The following TMEM68 variants were observed in gnomAD, a reference collection of about 807,000 sequenced individuals.
TMEM68 encodes the protein transmembrane protein 68.
In TMEM68, 25 loss-of-function variants were observed where a neutral mutation model predicts 36.9. The observed-to-expected ratio is 0.68, with a 90% CI of 0.49 to 0.95. TMEM68 has a LOEUF of 0.95. Among genes scored for constraint, TMEM68 ranks in the 40% least tolerant of loss-of-function variants. TMEM68 has a pLI of 0.00. For missense variants in TMEM68, 333 were observed against 392.0 expected, an observed-to-expected ratio of 0.85 and a Z score of 1.27; for synonymous variants, 131 against 124.4, an observed-to-expected ratio of 1.05 and a Z score of -0.35.
intron 4 of TMEM68, among the ~76,000 whole-genome samples, chr8:55,753,321 C>T (rs1377207230): frequency 6.6e-6 from 1 of 151,706 alleles, no homozygotes; most frequent in East Asian, 1.9e-4. Flanking sequence ...AATATTAATG[C>T]TAACATTAAA....
At chr8:55,757,077 G>C (rs1273364114) in intron 3 of TMEM68, among the ~76,000 whole-genome samples, 2 of 152,292 alleles carry the variant, frequency 1.3e-5, no homozygotes, top group African/African-American at 4.8e-5. Flanking sequence ...TTCACTGTTA[G>C]AGGAGGGGGT....
intron 4 of TMEM68, among the ~76,000 whole-genome samples, chr8:55,754,340 G>A (rs954978545): frequency 1.3e-5 from 2 of 149,988 alleles, no homozygotes; most frequent in African/African-American, 4.9e-5. Context: ...TACAAGAATC[G>A]GTTGAACTAC....
intron 4 of TMEM68, among the ~76,000 whole-genome samples, chr8:55,754,897 ATACATATAT>A (rs1810551540): frequency 7.4e-6 from 1 of 135,112 alleles, no homozygotes; most frequent in African/African-American, 2.8e-5. Context: ...TATATATAAA[ATACATATAT>A]TATATATTAT....
At chr8:55,741,261 C>A (rs1810094597) in intron 7 of TMEM68, among the ~76,000 whole-genome samples, 1 of 152,068 alleles carries the variant, frequency 6.6e-6, no homozygotes. Context: ...AAACACCCCT[C>A]TAAACCACAG....
chr8:55,772,754 T>C (rs1370527156), intron 1 of TMEM68, among the ~76,000 whole-genome samples: 1 of 152,166 alleles, frequency 6.6e-6, no homozygotes, highest in African/African-American at 2.4e-5. Flanking sequence ...GGTCACAAGG[T>C]AGGACCAGGA....
chr8:55,762,988 GTTTC>G lies in TMEM68; in HGVS notation c.-33_-30del. ...TCTTCAGGTGAAAATGACAAATTCA[GTTTC>G]TTTCTTCATTGCCATAGCAGGTCGC... is the stretch of plus-strand genomic sequence containing the variant. On this transcript the variant is annotated 5_prime_UTR_variant, in exon 3 of 8. It removes the in-frame stop codon of an upstream open reading frame in the 5' UTR. Transcript: ENST00000434581. The G allele has an allele frequency of 2.6e-6, 4 of 1,552,846 alleles. No homozygotes were observed. Among genetic ancestry groups the G allele is most frequent in the Non-Finnish European group, 3.5e-6 (4 of 1,152,542 alleles).
intron 3 of TMEM68, 173 bp downstream of exon 3, chr8:55,762,462 T>C: frequency 7.6e-7 from 1 of 1,308,254 alleles, no homozygotes; most frequent in Non-Finnish European, 1.0e-6. Flanking sequence ...GAAAACTCAT[T>C]TTAAGAAAGA....
chr8:55,751,188 A>T (rs374739834), intron 4 of TMEM68, 31 bp from the exon 5 acceptor site: 3 of 1,542,054 alleles, frequency 1.9e-6, no homozygotes, highest in Non-Finnish European at 2.6e-6. Context: ...AAGTTACAAC[A>T]TAAGTATTTC....
chr8:55,744,667 C>T (rs1810217791), intron 6 of TMEM68, among the ~76,000 whole-genome samples: 4 of 152,094 alleles, frequency 2.6e-5, no homozygotes, highest in Non-Finnish European at 4.4e-5. Context: ...AATGCTATTT[C>T]CTTAGGTAGT....
intron 3 of TMEM68, among the ~76,000 whole-genome samples, chr8:55,757,418 C>T (rs1810639885): frequency 6.6e-6 from 1 of 152,148 alleles, no homozygotes; most frequent in Non-Finnish European, 1.5e-5. Context: ...GATAGTCACT[C>T]TCTAACTCTT....
At chr8:55,765,053 CAA>C (rs2130022122) in intron 1 of TMEM68, among the ~76,000 whole-genome samples, 1 of 152,204 alleles carries the variant, frequency 6.6e-6, no homozygotes, top group South Asian at 2.1e-4. Context: ...GCCTGGACAA[CAA>C]GAGTGAAACT....
At chr8:55,763,079 A>C (rs745762531) in intron 2 of TMEM68, 51 bp from the exon 3 acceptor site, 3 of 1,106,954 alleles carry the variant, frequency 2.7e-6, no homozygotes, top group Non-Finnish European at 3.7e-6. Context: ...TATAAAGTTA[A>C]ATGTTTTACT....
intron 1 of TMEM68, among the ~76,000 whole-genome samples, chr8:55,770,493 A>G (rs1436057024): frequency 6.6e-6 from 1 of 152,078 alleles, no homozygotes; most frequent in Non-Finnish European, 1.5e-5. Flanking sequence ...TGGGGGCAAC[A>G]TACTGAGACC....
rs201134052 is a variant in TMEM68 at position 55,750,103 on chromosome 8, A to G, written c.687+861T>C. ...CAATTCTTTCAAAATATAAACTTGAAAGTTGAACCATCTTTGATTAGGATT... is the reference window on the plus strand; with the variant it reads ...CAATTCTTTCAAAATATAAACTTGAGAGTTGAACCATCTTTGATTAGGATT... On this transcript the variant is annotated intron_variant, in intron 5 of 7. Transcript: ENST00000434581. 2.6e-5 allele frequency among the ~76,000 whole-genome samples: 4 copies of G among 152,272 alleles called. No individual in the cohort carries two copies. In the East Asian group the frequency reaches 7.7e-4, roughly 29 times the overall value.
At chr8:55,757,261 T>C (rs1454194625) in intron 3 of TMEM68, among the ~76,000 whole-genome samples, 1 of 151,926 alleles carries the variant, frequency 6.6e-6, no homozygotes, top group African/African-American at 2.4e-5. Flanking sequence ...CTTCAAAGGG[T>C]GATAAACCCC....
At position 55,766,184 on chromosome 8, in the gene TMEM68, A is replaced by C. The variant is rs140951405; in HGVS notation, c.-114-2204T>G. On this transcript the variant is annotated intron_variant, in intron 1 of 7. Transcript: ENST00000434581. Reference sequence around the variant, plus strand: ...GGCATTCTGGGAAGACTTCTCTAAAAGATATTTTTCAGCAGAAACCTGAGG... The same window carrying C: ...GGCATTCTGGGAAGACTTCTCTAAACGATATTTTTCAGCAGAAACCTGAGG... Among the ~76,000 whole-genome samples the C allele has an allele frequency of 8.0e-3, 1,155 of 144,664 alleles. 8 individuals carry two copies. Among genetic ancestry groups the C allele is most frequent in the South Asian group, 0.011 (48 of 4,384 alleles). 94.9% of individuals were successfully genotyped at this position (144,664 alleles called of 152,430 possible). A position where few individuals can be genotyped will look rare whatever the true frequency, so the allele number is the denominator to read the frequency against.
chr8:55,743,583 T>C lies in TMEM68; in HGVS notation c.786A>G (p.Pro262=), dbSNP rs1810170333. 1.3e-6 allele frequency: 2 copies of C among 1,535,628 alleles called. No individual in the cohort carries two copies. Among genetic ancestry groups the C allele is most frequent in the Non-Finnish European group, 1.7e-6 (2 of 1,146,706 alleles). ...GAAAACCTCCATACATTGGAGCAAA[T>C]GGATAGCGGAATTTTTCATAAAGCC... The part of the protein sequence containing the change: ...FRWLYEKFRY[P]FAPMYGGFPV... The change falls in exon 7 of 8, where the codon CCA becomes CCG. Residue 262 remains proline, a synonymous_variant. Coordinates refer to ENST00000434581, the MANE Select transcript of TMEM68 (RefSeq NM_001286657.2).
intron 4 of TMEM68, among the ~76,000 whole-genome samples, chr8:55,755,472 A>G (rs536675694): frequency 6.6e-6 from 1 of 151,906 alleles, no homozygotes; most frequent in Non-Finnish European, 1.5e-5. Context: ...GGGTTTCACC[A>G]TGTTGGCCAG....
At chr8:55,753,792 T>TA (rs545650323) in intron 4 of TMEM68, among the ~76,000 whole-genome samples, 280 of 152,178 alleles carry the variant, frequency 1.8e-3, no homozygotes, top group Non-Finnish European at 3.1e-3. Context: ...AATCTTTTTT[T>TA]AAAAAAAATA....
Sources: allele counts gnomAD v4.1 joint callset (sites outside exome capture counted in the v4.1 genomes callset), GRCh38; gene constraint gnomAD v4.1.1; transcripts MANE v1.5; gene names NCBI Gene and HGNC (gene_info 2026-07-23, HGNC 2026-07-21).